The following POLR3B variants were observed in gnomAD, a reference collection of about 807,000 sequenced individuals.
POLR3B encodes RNA polymerase III subunit B, also known as DNA-directed RNA polymerase III subunit RPC2.
Under a neutral mutation model 147.4 loss-of-function variants are expected in POLR3B, and 96 were observed. The observed-to-expected ratio is 0.65, with a 90% CI of 0.55 to 0.77. The LOEUF (loss-of-function observed/expected upper bound fraction) is 0.77. Ranked by LOEUF, POLR3B falls within the 30% of genes least tolerant of loss-of-function variation. The pLI is 0.00. For missense variants in POLR3B, 1,036 were observed against 1,413.5 expected, an observed-to-expected ratio of 0.73 and a Z score of 4.28; for synonymous variants, 461 against 485.9, an observed-to-expected ratio of 0.95 and a Z score of 0.67.
At chr12:106,393,285 A>G (rs2036936763) in intron 10 of POLR3B, 132 bp downstream of exon 10, 1 of 1,336,556 alleles carries the variant, frequency 7.5e-7, no homozygotes, top group African/African-American at 1.4e-5. Flanking sequence ...ATATGGGAGG[A>G]GTGAAGTTTC....
chr12:106,357,774 A>G lies in POLR3B; in HGVS notation c.-106A>G, dbSNP rs560914710. 2.2e-4 allele frequency: 241 copies of G among 1,100,312 alleles called. No homozygotes were observed. In the African/African-American group the frequency reaches 3.5e-3, roughly 16 times the overall value. 68.2% of individuals were successfully genotyped at this position (1,100,312 alleles called of 1,614,324 possible). A position where few individuals can be genotyped will look rare whatever the true frequency, so the allele number is the denominator to read the frequency against. On this transcript the variant is annotated 5_prime_UTR_variant, in exon 1 of 28. Coordinates refer to ENST00000228347, the MANE Select transcript of POLR3B (RefSeq NM_018082.6). ...TCTCTAGCTAACACGCACGGCGGGG[A>G]CAGTTTAGGCCTCCGCGCACCGTTC...
intron 11 of POLR3B, among the ~76,000 whole-genome samples, chr12:106,408,394 T>C (rs2037177951): frequency 6.6e-6 from 1 of 152,194 alleles, no homozygotes; most frequent in Non-Finnish European, 1.5e-5. Flanking sequence ...TCAAAGAACA[T>C]TCCCTGGACT....
intron 10 of POLR3B, among the ~76,000 whole-genome samples, chr12:106,405,154 A>G (rs888888327): frequency 5.9e-5 from 9 of 152,174 alleles, no homozygotes; most frequent in African/African-American, 2.2e-4. Context: ...ATCAGGTAAT[A>G]TAATACTCCA....
At chr12:106,464,008 A>C (rs778131003) in intron 23 of POLR3B, among the ~76,000 whole-genome samples, 1 of 151,984 alleles carries the variant, frequency 6.6e-6, no homozygotes, top group Non-Finnish European at 1.5e-5. Context: ...AGATGTTAGC[A>C]CTAGAAGACA....
At chr12:106,391,175 T>C (rs765504357) in intron 9 of POLR3B, among the ~76,000 whole-genome samples, 53 of 152,194 alleles carry the variant, frequency 3.5e-4, no homozygotes, top group Non-Finnish European at 6.0e-4. Context: ...AAACTGCAGG[T>C]GCTCATTGGC....
At chr12:106,361,029 C>T (rs2036462952) in intron 1 of POLR3B, among the ~76,000 whole-genome samples, 1 of 152,154 alleles carries the variant, frequency 6.6e-6, no homozygotes, top group Non-Finnish European at 1.5e-5. Context: ...ACAAGTACAG[C>T]TGCAAGCACA....
chr12:106,447,596 G>A (rs1367725424), intron 19 of POLR3B, among the ~76,000 whole-genome samples: 6 of 152,312 alleles, frequency 3.9e-5, no homozygotes, highest in African/African-American at 1.4e-4. Flanking sequence ...AGGGCTGTGT[G>A]TTGGAGCCGC....
chr12:106,367,776 TTTGTA>T (rs1302869492), intron 4 of POLR3B, among the ~76,000 whole-genome samples: 3 of 152,206 alleles, frequency 2.0e-5, no homozygotes, highest in African/African-American at 7.2e-5. Flanking sequence ...TATTTTTCCT[TTTGTA>T]ATTAATAAGT....
At chr12:106,364,997 TG>T (rs1325291486) in intron 2 of POLR3B, among the ~76,000 whole-genome samples, 1 of 152,014 alleles carries the variant, frequency 6.6e-6, no homozygotes, top group African/African-American at 2.4e-5. Context: ...TAGCTGGGTG[TG>T]GTGGCGGGCC....
At chr12:106,388,503 A>G (rs1379563950) in intron 9 of POLR3B, among the ~76,000 whole-genome samples, 5 of 152,134 alleles carry the variant, frequency 3.3e-5, no homozygotes, top group Non-Finnish European at 7.3e-5. Flanking sequence ...TCTTTAGTAG[A>G]GACGGGGTTT....
chr12:106,358,064 G>T, intron 1 of POLR3B, 113 bp downstream of exon 1: 1 of 1,548,052 alleles, frequency 6.5e-7, no homozygotes, highest in South Asian at 1.2e-5. Flanking sequence ...CGCATGCGCC[G>T]GGCTTCTGCG....
At chr12:106,496,254 G>A (rs1310046377) in intron 24 of POLR3B, 96 bp downstream of exon 24, 2 of 839,082 alleles carry the variant, frequency 2.4e-6, no homozygotes, top group African/African-American at 1.7e-5. Context: ...GGACTCTGAA[G>A]CTGTTTTTTC....
At chr12:106,368,281 G>A (rs1276862720) in intron 4 of POLR3B, among the ~76,000 whole-genome samples, 1 of 151,818 alleles carries the variant, frequency 6.6e-6, no homozygotes, top group Non-Finnish European at 1.5e-5. Context: ...TTGGAAAATA[G>A]TATTTAGATT....
At chr12:106,391,657 A>G (rs1184022204) in intron 9 of POLR3B, among the ~76,000 whole-genome samples, 1 of 152,230 alleles carries the variant, frequency 6.6e-6, no homozygotes, top group Non-Finnish European at 1.5e-5. Context: ...TATGCAAATG[A>G]GAAAACAAAG....
chr12:106,420,742 A>G (rs1163766227), intron 12 of POLR3B, among the ~76,000 whole-genome samples: 1 of 152,184 alleles, frequency 6.6e-6, no homozygotes, highest in African/African-American at 2.4e-5. Context: ...CTGTGGTTTA[A>G]TAGCATTTAT....
intron 26 of POLR3B, among the ~76,000 whole-genome samples, chr12:106,503,175 T>C (rs1420777036): frequency 6.6e-6 from 1 of 152,240 alleles, no homozygotes; most frequent in African/African-American, 2.4e-5. Context: ...TTTAGACGTA[T>C]TTGTAAGTTA....
chr12:106,358,645 G>A (rs924358196), intron 1 of POLR3B, among the ~76,000 whole-genome samples: 5 of 152,196 alleles, frequency 3.3e-5, no homozygotes, highest in African/African-American at 1.2e-4. Flanking sequence ...GGGAAGTGGA[G>A]ACGTGGCCGG....
chr12:106,417,895 C>T (rs538852217), intron 12 of POLR3B, among the ~76,000 whole-genome samples: 1 of 151,968 alleles, frequency 6.6e-6, no homozygotes, highest in Admixed American at 6.6e-5. Flanking sequence ...GAGAGCTGAT[C>T]CTGTTGCTTA....
Position 106,427,204 on chromosome 12 carries a change from C to G in POLR3B, c.1109C>G (p.Ser370Cys), listed in dbSNP as rs753739949. ...KRLELAGQLL[S>C]LLFEDLFKKF... ...CTTTTTTTTTTTTTTTAGCTTTTAT[C>G]TCTTCTTTTTGAAGACTTGTTCAAA... Residue 370 changes from serine (S) to cysteine (C), a missense_variant, in exon 13 of 28, where the codon TCT (serine) becomes TGT (cysteine). Around this residue, in one of 12 missense-constraint regions of POLR3B, gnomAD observed 89 missense variants for 110.9 expected, o/e 0.80. Coordinates refer to ENST00000228347, the MANE Select transcript of POLR3B (RefSeq NM_018082.6). 1 of 1,368,516 alleles carries G rather than the reference C, an allele frequency of 7.3e-7. No individual in the cohort carries two copies. The highest frequency in any genetic ancestry group is 1.3e-5 in the South Asian group (1 of 76,810). The allele number at this position is 1,368,516 out of a possible 1,614,324, so 84.8% of individuals were successfully genotyped here. A position where few individuals can be genotyped will look rare whatever the true frequency, so the allele number is the denominator to read the frequency against.
Sources: allele counts gnomAD v4.1 joint callset (sites outside exome capture counted in the v4.1 genomes callset), GRCh38; gene constraint gnomAD v4.1.1; regional missense constraint gnomAD v4.1.1; transcripts MANE v1.5; gene names NCBI Gene and HGNC (gene_info 2026-07-23, HGNC 2026-07-21).